The following UBASH3B variants were observed in gnomAD, a reference collection of about 807,000 sequenced individuals.
The protein encoded by UBASH3B is ubiquitin-associated and SH3 domain-containing protein B.
A neutral mutation model predicts 83.4 loss-of-function variants in UBASH3B; 37 were observed. That is an observed-to-expected ratio of 0.44 (90% CI 0.34 to 0.58). UBASH3B has a LOEUF of 0.58. UBASH3B is among the 20% of genes least tolerant of loss of function. UBASH3B has a pLI of 0.01. For synonymous variants in UBASH3B, 304 were observed against 318.3 expected (o/e 0.96, Z 0.48); for missense variants, 657 against 827.2 (o/e 0.79, Z 2.52).
At chr11:122,790,510 C>A (rs1300379195) in intron 6 of UBASH3B, among the ~76,000 whole-genome samples, 1 of 152,164 alleles carries the variant, frequency 6.6e-6, no homozygotes, top group African/African-American at 2.4e-5. Flanking sequence ...CCATTTTAAT[C>A]CCTACAACAA....
chr11:122,786,108 G>A (rs1860945628), intron 5 of UBASH3B, among the ~76,000 whole-genome samples: 1 of 152,074 alleles, frequency 6.6e-6, no homozygotes, highest in African/African-American at 2.4e-5. Context: ...GGAGTGCAGT[G>A]GTGCAATCTC....
chr11:122,739,027 C>T (rs1204200131), intron 1 of UBASH3B, among the ~76,000 whole-genome samples: 1 of 152,024 alleles, frequency 6.6e-6, no homozygotes, highest in Non-Finnish European at 1.5e-5. Context: ...GAGACAAGGT[C>T]CCACTCTGTT....
At chr11:122,711,451 T>C (rs1028680472) in intron 1 of UBASH3B, among the ~76,000 whole-genome samples, 22 of 152,198 alleles carry the variant, frequency 1.4e-4, no homozygotes, top group African/African-American at 4.8e-4. Context: ...CTCACAAGAC[T>C]CAGGCAGAGT....
Position 122,750,519 on chromosome 11 carries a change from G to A in UBASH3B, c.162-25700G>A, listed in dbSNP as rs542773807. ...GACTGATTATTTTACTCTCCATGAG[G>A]TAAGGAACCAAATTCCATCCATCCT... On this transcript the variant is annotated intron_variant, in intron 1 of 13. Transcript: ENST00000284273. Among the ~76,000 whole-genome samples the A allele has an allele frequency of 1.8e-3, 271 of 152,290 alleles. 1 individual carries two copies. Among genetic ancestry groups the A allele is most frequent in the Non-Finnish European group, 3.3e-3 (225 of 68,028 alleles).
chr11:122,723,924 C>A (rs1029844838), intron 1 of UBASH3B, among the ~76,000 whole-genome samples: 3 of 152,188 alleles, frequency 2.0e-5, no homozygotes, highest in African/African-American at 7.2e-5. Context: ...AACTTGAGAG[C>A]AGGGCTCTTT....
intron 1 of UBASH3B, among the ~76,000 whole-genome samples, chr11:122,677,083 A>C (rs1863678048): frequency 6.6e-6 from 1 of 152,170 alleles, no homozygotes; most frequent in African/African-American, 2.4e-5. Flanking sequence ...TGGGGGGAAA[A>C]ATTGCATGTG....
chr11:122,776,462 A>T (rs1220436377), intron 2 of UBASH3B, among the ~76,000 whole-genome samples, 190 bp downstream of exon 2: 5 of 152,060 alleles, frequency 3.3e-5, no homozygotes, highest in Non-Finnish European at 7.4e-5. Context: ...TTCTCCTTGG[A>T]GCTGTTTAAA....
In UBASH3B at chr11:122,731,079, C is replaced by A. The variant is rs973175916; in HGVS notation, c.162-45140C>A. On this transcript the variant is annotated intron_variant, in intron 1 of 13. Transcript: ENST00000284273. ...TTATCCTTGGGGATACTCAAGACTC[C>A]CAGTGGATGCCTGAAAGCGCAGAGA... Among the ~76,000 whole-genome samples, 7 of 152,296 alleles carry A rather than the reference C, an allele frequency of 4.6e-5. No individual in the cohort carries two copies. In the East Asian group the frequency reaches 1.4e-3, roughly 29 times the overall value.
rs1861008833 is a variant in UBASH3B, at chr11:122,789,197, G to A, written c.869G>A (p.Ser290Asn). 1 of 1,614,208 alleles carries A rather than the reference G, an allele frequency of 6.2e-7. No homozygotes were observed. The highest frequency in any genetic ancestry group is 2.2e-5 in the East Asian group (1 of 44,876). Residue 290 changes from serine to asparagine, a missense_variant, in exon 6 of 14, where the codon AGC becomes AAC. Around this residue, in one of 3 missense-constraint regions of UBASH3B, gnomAD observed 573 missense variants for 739.0 expected, o/e 0.78. Coordinates refer to ENST00000284273, the MANE Select transcript of UBASH3B (RefSeq NM_032873.5). ...FIFMSPMEQT[S>N]TSEGWIYGTS... ...TTCATGTCTCCAATGGAGCAGACCA[G>A]CACCAGCGAGGGTTGGATCTATGGC...
At chr11:122,794,991 G>C (rs1487142833) in intron 7 of UBASH3B, among the ~76,000 whole-genome samples, 157 bp downstream of exon 7, 1 of 152,138 alleles carries the variant, frequency 6.6e-6, no homozygotes, top group African/African-American at 2.4e-5. Flanking sequence ...AAAAATTCAA[G>C]GCTAGGAAGA....
rs1861453959 is a variant in UBASH3B at position 122,811,821 on chromosome 11, CA to C, written c.*1936del. The C allele has an allele frequency of 6.6e-6, 1 of 152,240 alleles. No individual in the cohort carries two copies. Among genetic ancestry groups the C allele is most frequent in the South Asian group, 2.1e-4 (1 of 4,824 alleles). The allele number at this position is 152,240 out of a possible 1,614,324, so 9.4% of individuals were successfully genotyped here. ...CCAATAAAGGTCTTAAGAGAAAAGT[CA>C]CATTACAAGTAATGTAATGGCTCTA... On this transcript the variant is annotated 3_prime_UTR_variant, in exon 14 of 14. Transcript: ENST00000284273.
chr11:122,768,506 G>GTA (rs538067099), intron 1 of UBASH3B, among the ~76,000 whole-genome samples: 6,028 of 125,982 alleles, frequency 0.048, 149 homozygotes, highest in South Asian at 0.15. Flanking sequence ...GTGTGTGTGT[G>GTA]TGTATATATA....
chr11:122,760,032 A>G (rs1861344883), intron 1 of UBASH3B, among the ~76,000 whole-genome samples: 1 of 152,242 alleles, frequency 6.6e-6, no homozygotes, highest in African/African-American at 2.4e-5. Flanking sequence ...CCACACTGAT[A>G]TACATATACC....
At chr11:122,732,274 C>T (rs1025262907) in intron 1 of UBASH3B, among the ~76,000 whole-genome samples, 1 of 152,132 alleles carries the variant, frequency 6.6e-6, no homozygotes, top group Non-Finnish European at 1.5e-5. Context: ...AGACCAAGGC[C>T]GGCTGGCTGC....
In UBASH3B at chr11:122,789,128, C is replaced by A. The variant is rs1316075054; in HGVS notation, c.800C>A (p.Pro267Gln). The A allele has an allele frequency of 2.5e-6, 4 of 1,613,666 alleles. No individual in the cohort carries two copies. The highest frequency in any genetic ancestry group is 3.4e-6 in the Non-Finnish European group (4 of 1,179,982). The change falls in exon 6 of 14, where the codon CCA becomes CAA. Residue 267 changes from proline (P) to glutamine (Q), a missense_variant. Physicochemically the swap from Pro to Gln is moderately conservative, Grantham distance 76. Coordinates refer to ENST00000284273, the MANE Select transcript of UBASH3B (RefSeq NM_032873.5). ...ETLQVIYPYT[P>Q]QNDDELELVP... The stretch of plus-strand genomic sequence containing the variant: ...TTACAGGTCATCTACCCCTATACCC[C>A]ACAAAATGACGATGAGCTGGAGCTG...
In UBASH3B at chr11:122,806,623, T is replaced by G. The variant is rs1861344292; in HGVS notation, c.1702+107T>G. On this transcript the variant is annotated intron_variant, in intron 12 of 13. Coordinates refer to ENST00000284273, the MANE Select transcript of UBASH3B (RefSeq NM_032873.5). The surrounding 1 kb of genome is among the most constrained non-coding windows in gnomAD (Gnocchi z 4.0). ...AACTTGCTTTGGCTAACCAAAGAAA[T>G]GTATTTCCAGATTTTCTTCCAGATA... 1.5e-6 allele frequency: 2 copies of G among 1,345,814 alleles called. No homozygotes were observed. Among genetic ancestry groups the G allele is most frequent in the South Asian group, 2.0e-5 (1 of 51,040 alleles). 83.4% of individuals were successfully genotyped at this position (1,345,814 alleles called of 1,614,324 possible). A position where few individuals can be genotyped will look rare whatever the true frequency, so the allele number is the denominator to read the frequency against.
At chr11:122,657,627 C>G (rs1863381901) in intron 1 of UBASH3B, among the ~76,000 whole-genome samples, 1 of 152,158 alleles carries the variant, frequency 6.6e-6, no homozygotes, top group Non-Finnish European at 1.5e-5. Context: ...TCTCTACTAA[C>G]TTGGTTGTAA....
intron 1 of UBASH3B, among the ~76,000 whole-genome samples, chr11:122,702,508 G>T (rs1864053932): frequency 6.6e-6 from 1 of 150,678 alleles, no homozygotes; most frequent in Non-Finnish European, 1.5e-5. Flanking sequence ...ACAGTAAGCA[G>T]TAGGAAAAAA....
chr11:122,710,060 G>A (rs924983396), intron 1 of UBASH3B, among the ~76,000 whole-genome samples: 1 of 150,978 alleles, frequency 6.6e-6, no homozygotes, highest in African/African-American at 2.4e-5. Context: ...GGAGGCTGAG[G>A]CAGGAGAATT....
Sources: gnomAD v4.1 joint callset for allele counts (sites outside exome capture counted in the v4.1 genomes callset) on GRCh38, gnomAD v4.1.1 for gene constraint, gnomAD v4.1.1 regional missense constraint, Gnocchi (gnomAD v3.1) non-coding constraint, MANE v1.5 for transcripts, NCBI Gene and HGNC (gene_info 2026-07-23, HGNC 2026-07-21) for gene names.